The following NR1H4 variants were observed in gnomAD, a reference collection of about 807,000 sequenced individuals.
The protein encoded by NR1H4 is bile acid receptor.
A neutral mutation model predicts 58.5 loss-of-function variants in NR1H4; 23 were observed. The observed-to-expected ratio is 0.39, with a 90% CI of 0.28 to 0.56. NR1H4 has a LOEUF of 0.56. Ranked by LOEUF, NR1H4 falls within the 20% of genes least tolerant of loss-of-function variation. NR1H4 has a pLI of 0.58. For missense variants in NR1H4, 487 were observed against 576.9 expected (o/e 0.84, Z 1.60); for synonymous variants, 214 against 198.0 (o/e 1.08, Z -0.68).
intron 3 of NR1H4, among the ~76,000 whole-genome samples, chr12:100,508,096 C>T (rs1954012554): frequency 1.3e-5 from 2 of 151,838 alleles, no homozygotes; most frequent in South Asian, 4.2e-4. Flanking sequence ...GATTCAGGAA[C>T]ATGACTGCCA....
At chr12:100,558,040 T>A (rs1955370854) in intron 9 of NR1H4, among the ~76,000 whole-genome samples, 1 of 152,060 alleles carries the variant, frequency 6.6e-6, no homozygotes, top group Non-Finnish European at 1.5e-5. Context: ...GAAGTCTGTT[T>A]TTTTTGTTTT....
chr12:100,488,814 A>G lies in NR1H4; in HGVS notation c.-189-3689A>G, dbSNP rs182545993. 3.9e-3 allele frequency among the ~76,000 whole-genome samples: 595 copies of G among 152,384 alleles called. 3 individuals are homozygous for G. The highest frequency in any genetic ancestry group is 0.013 in the African/African-American group (532 of 41,594). ...AACATGTAAAAATGTCAATTTTTAT[A>G]ATACATCAGAAATTATATTACTTGC... On this transcript the variant is annotated intron_variant, in intron 1 of 10. Transcript: ENST00000392986.
At chr12:100,535,122 C>G (rs1486101398) in intron 6 of NR1H4, 99 bp downstream of exon 6, 1 of 1,336,428 alleles carries the variant, frequency 7.5e-7, no homozygotes, top group African/African-American at 1.4e-5. Context: ...GCCACAGGCA[C>G]AGCTGAATTT....
In NR1H4 at chr12:100,561,951, C is replaced by G. The variant is rs1383423916; in HGVS notation, c.1145C>G (p.Thr382Ser). The change falls in exon 10 of 11, where the codon ACT becomes AGT. Residue 382 changes from threonine to serine, a missense_variant. Thr to Ser is a moderately conservative substitution (Grantham distance 58). Coordinates refer to ENST00000392986, the MANE Select transcript of NR1H4 (RefSeq NM_001206979.2). ...AAAAGTATTGGGGAACTGAAAATGACTCAAGAGGAGTATGCTCTGCTTACA... is the reference window on the plus strand; with the variant it reads ...AAAAGTATTGGGGAACTGAAAATGAGTCAAGAGGAGTATGCTCTGCTTACA... ...FYKSIGELKM[T>S]QEEYALLTAI... 2 of 1,569,852 alleles carry G rather than the reference C, an allele frequency of 1.3e-6. No individual in the cohort carries two copies. The highest frequency in any genetic ancestry group is 2.2e-5 in the East Asian group (1 of 44,556).
At chr12:100,556,467 C>CAAAAAAAAAAAAAAAAAAAAAAAAAAAAA (rs781520049) in intron 9 of NR1H4, among the ~76,000 whole-genome samples, 1 of 87,448 alleles carries the variant, frequency 1.1e-5, no homozygotes, top group Non-Finnish European at 2.9e-5. Flanking sequence ...AACTCCGTCT[C>CAAAAAAAAAAAAAAAAAAAAAAAAAAAAA]AAAGAAAAAA....
At chr12:100,479,377 T>C (rs1019949343) in intron 1 of NR1H4, among the ~76,000 whole-genome samples, 1 of 152,234 alleles carries the variant, frequency 6.6e-6, no homozygotes, top group Non-Finnish European at 1.5e-5. Flanking sequence ...GAATGATTCA[T>C]AAAGATGTCT....
intron 1 of NR1H4, among the ~76,000 whole-genome samples, chr12:100,478,226 A>T (rs1346655709): frequency 6.6e-6 from 1 of 152,140 alleles, no homozygotes; most frequent in African/African-American, 2.4e-5. Context: ...CTCTCCATAC[A>T]TTTTGTTCAA....
intron 1 of NR1H4, among the ~76,000 whole-genome samples, chr12:100,486,320 C>T (rs961174150): frequency 6.6e-6 from 1 of 152,164 alleles, no homozygotes; most frequent in African/African-American, 2.4e-5. Flanking sequence ...TGATTCCTCT[C>T]TTCTAGAAGT....
chr12:100,479,198 C>A (rs7311127), intron 1 of NR1H4, among the ~76,000 whole-genome samples: 5,503 of 151,978 alleles, frequency 0.036, 296 homozygotes, highest in African/African-American at 0.12. Context: ...GTTTGTGATG[C>A]CTTAACCTCT....
intron 1 of NR1H4, among the ~76,000 whole-genome samples, chr12:100,475,767 G>A (rs111602726): frequency 0.047 from 7,202 of 151,944 alleles, 552 homozygotes; most frequent in African/African-American, 0.16. Flanking sequence ...ACAAAGTCTC[G>A]CTCTGTCTCC....
At chr12:100,515,150 G>A (rs777668028) in intron 4 of NR1H4, among the ~76,000 whole-genome samples, 10 of 144,190 alleles carry the variant, frequency 6.9e-5, no homozygotes, top group Non-Finnish European at 1.1e-4. Context: ...GTTTGCCTTT[G>A]CCATTTTGTC....
At chr12:100,549,792 A>G (rs999880102) in intron 9 of NR1H4, among the ~76,000 whole-genome samples, 2 of 152,184 alleles carry the variant, frequency 1.3e-5, no homozygotes, top group Non-Finnish European at 2.9e-5. Flanking sequence ...TGCATATTTT[A>G]TCTATAATGT....
At chr12:100,555,322 C>T (rs1335111156) in intron 9 of NR1H4, among the ~76,000 whole-genome samples, 7 of 152,104 alleles carry the variant, frequency 4.6e-5, no homozygotes, top group African/African-American at 4.8e-5. Flanking sequence ...TAAAGATTGA[C>T]ATTTTTTTGA....
chr12:100,543,694 T>A (rs903239474), intron 9 of NR1H4, among the ~76,000 whole-genome samples: 1 of 152,036 alleles, frequency 6.6e-6, no homozygotes, highest in Non-Finnish European at 1.5e-5. Flanking sequence ...TCCTGATGGG[T>A]GGTTTAGCTA....
Position 100,540,698 on chromosome 12 carries a change from C to G in NR1H4, c.958C>G (p.Gln320Glu), listed in dbSNP as rs749597165. 2 of 1,614,128 alleles carry G rather than the reference C, an allele frequency of 1.2e-6. No individual in the cohort carries two copies. Among genetic ancestry groups the G allele is most frequent in the Non-Finnish European group, 1.7e-6 (2 of 1,179,994 alleles). ...PGFQTLDHEDQIALLKGSAVE... is the reference protein window; with the variant it reads ...PGFQTLDHEDEIALLKGSAVE... ...ATTTCAGACTTTGGACCATGAAGAC[C>G]AGATTGCTTTGCTGAAAGGGTCTGC... Residue 320 changes from glutamine to glutamate, a missense_variant, in exon 9 of 11, where the codon CAG becomes GAG. Transcript: ENST00000392986.
At chr12:100,511,348 CTGTT>C (rs1436671634) in intron 4 of NR1H4, among the ~76,000 whole-genome samples, 1 of 152,186 alleles carries the variant, frequency 6.6e-6, no homozygotes, top group Non-Finnish European at 1.5e-5. Flanking sequence ...ATGTTTAAGA[CTGTT>C]AGAGTATCTA....
chr12:100,558,349 C>CAA (rs10617220), intron 9 of NR1H4, among the ~76,000 whole-genome samples: 20 of 79,958 alleles, frequency 2.5e-4, no homozygotes, highest in Non-Finnish European at 3.0e-4. Flanking sequence ...GATTCCATCT[C>CAA]AAAAAAAAAA....
intron 9 of NR1H4, among the ~76,000 whole-genome samples, chr12:100,551,064 T>A (rs1328141011): frequency 1.3e-5 from 2 of 152,212 alleles, no homozygotes; most frequent in Non-Finnish European, 2.9e-5. Flanking sequence ...CCAGCACTCT[T>A]TCTATATGTG....
intron 9 of NR1H4, among the ~76,000 whole-genome samples, chr12:100,543,585 G>GT (rs1341381266): frequency 6.6e-6 from 1 of 151,956 alleles, no homozygotes; most frequent in Non-Finnish European, 1.5e-5. Flanking sequence ...GTGTGTGTGT[G>GT]TGTCCAGGCT....
Sources: allele counts gnomAD v4.1 joint callset (sites outside exome capture counted in the v4.1 genomes callset), GRCh38; gene constraint gnomAD v4.1.1; transcripts MANE v1.5; gene names NCBI Gene and HGNC (gene_info 2026-07-23, HGNC 2026-07-21).